Variants in THSD7B observed in about 807,000 individuals in gnomAD.
THSD7B encodes thrombospondin type-1 domain-containing protein 7B.
Under a neutral mutation model 213.6 loss-of-function variants are expected in THSD7B, and 138 were observed. The ratio of observed to expected loss-of-function variants is 0.65; its 90% CI spans 0.56 to 0.74. THSD7B has a LOEUF of 0.74. Ranked by LOEUF, THSD7B falls within the 30% of genes least tolerant of loss-of-function variation. The pLI, the probability that THSD7B is intolerant of heterozygous loss-of-function variation, is 0.00. For missense variants in THSD7B, 1,931 were observed against 1,991.5 expected (o/e 0.97, Z 0.58); for synonymous variants, 742 against 687.0 (o/e 1.08, Z -1.25).
At chr2:137,019,370 G>A (rs190675395) in intron 2 of THSD7B, among the ~76,000 whole-genome samples, 36 of 152,314 alleles carry the variant, frequency 2.4e-4, no homozygotes, top group African/African-American at 8.2e-4. Context: ...CTGACCACAT[G>A]GAGTGATCAT....
chr2:136,826,914 G>A (rs1682654067), intron 1 of THSD7B, among the ~76,000 whole-genome samples: 1 of 152,104 alleles, frequency 6.6e-6, no homozygotes. Context: ...TAGACTTAGT[G>A]ATTAGCTGGT....
Position 137,094,992 on chromosome 2 carries a change from T to C in THSD7B, c.1070T>C (p.Leu357Pro). 6.2e-7 allele frequency: 1 copy of C among 1,613,906 alleles called. No individual in the cohort carries two copies. Among genetic ancestry groups the C allele is most frequent in the South Asian group, 1.1e-5 (1 of 91,080 alleles). ...PCSKTCRSGS[L>P]LPGFRSRSRN... ...TCCAAGACATGCCGTTCAGGGAGTC[T>C]CTTGCCAGGATTTAGGAGCAGGAGC... Residue 357 changes from leucine (L) to proline (P), a missense_variant, in exon 4 of 28, where the codon CTC becomes CCC. Leu to Pro is a moderately conservative substitution (Grantham distance 98). Transcript: ENST00000409968.
At chr2:137,120,685 T>C (rs1688530164) in intron 5 of THSD7B, among the ~76,000 whole-genome samples, 1 of 152,178 alleles carries the variant, frequency 6.6e-6, no homozygotes, top group Non-Finnish European at 1.5e-5. Flanking sequence ...AGGTTATTGA[T>C]GCAGGATCCT....
At chr2:137,414,158 A>G (rs775003713) in intron 14 of THSD7B, among the ~76,000 whole-genome samples, 4 of 152,220 alleles carry the variant, frequency 2.6e-5, no homozygotes, top group Non-Finnish European at 5.9e-5. Flanking sequence ...AGCAAAAGCT[A>G]TTAGGGAATC....
At chr2:137,259,741 G>C (rs566162715) in intron 10 of THSD7B, among the ~76,000 whole-genome samples, 5 of 152,040 alleles carry the variant, frequency 3.3e-5, no homozygotes, top group Admixed American at 6.6e-5. Flanking sequence ...TTTTCAAATT[G>C]CCTTTCTCCC....
intron 7 of THSD7B, among the ~76,000 whole-genome samples, chr2:137,206,947 T>A (rs1680996882): frequency 6.6e-6 from 1 of 152,034 alleles, no homozygotes; most frequent in African/African-American, 2.4e-5. Context: ...TATATCTTTG[T>A]GGGATTTCGA....
intron 2 of THSD7B, among the ~76,000 whole-genome samples, chr2:136,893,565 C>T (rs1287672485): frequency 6.6e-6 from 1 of 152,116 alleles, no homozygotes; most frequent in African/African-American, 2.4e-5. Flanking sequence ...GACTGAACAA[C>T]AGTACTTTGG....
chr2:136,830,121 C>T (rs972117275), intron 1 of THSD7B, among the ~76,000 whole-genome samples: 7 of 151,262 alleles, frequency 4.6e-5, no homozygotes, highest in South Asian at 4.2e-4. Flanking sequence ...TATGCCTGTG[C>T]GCGCACACAC....
chr2:137,280,091 G>T lies in THSD7B; in HGVS notation c.2500+4065G>T, dbSNP rs931041831. Among the ~76,000 whole-genome samples, 5 of 152,220 alleles carry T rather than the reference G, an allele frequency of 3.3e-5. 1 individual carries two copies. The highest frequency in any genetic ancestry group is 1.3e-4 in the Admixed American group (2 of 15,284). ...GTGCTTACAAGTTTATTTCTATCTA[G>T]TTCATCCCTAAACACTAAGGGTGAG... On this transcript the variant is annotated intron_variant, in intron 12 of 27. Transcript: ENST00000409968.
At chr2:137,009,028 T>A (rs1325790882) in intron 2 of THSD7B, among the ~76,000 whole-genome samples, 1 of 152,168 alleles carries the variant, frequency 6.6e-6, no homozygotes, top group Non-Finnish European at 1.5e-5. Flanking sequence ...CAGAATAAAT[T>A]AAAAATCACT....
intron 2 of THSD7B, among the ~76,000 whole-genome samples, chr2:136,925,109 G>T (rs895170682): frequency 6.6e-6 from 1 of 152,056 alleles, no homozygotes; most frequent in African/African-American, 2.4e-5. Flanking sequence ...CACACAATGA[G>T]GTCATCTACA....
intron 1 of THSD7B, among the ~76,000 whole-genome samples, chr2:136,771,619 A>G (rs1346545210): frequency 1.3e-5 from 2 of 152,106 alleles, no homozygotes; most frequent in African/African-American, 2.4e-5. Flanking sequence ...TCCAGTTCCA[A>G]TTATACTTCC....
chr2:137,460,827 A>G (rs1454840178), intron 15 of THSD7B, among the ~76,000 whole-genome samples: 1 of 152,090 alleles, frequency 6.6e-6, no homozygotes, highest in Non-Finnish European at 1.5e-5. Context: ...CATATCATCA[A>G]TATATCAGAT....
intron 1 of THSD7B, among the ~76,000 whole-genome samples, chr2:136,815,530 C>G (rs757399492): frequency 6.6e-6 from 1 of 152,102 alleles, no homozygotes; most frequent in Non-Finnish European, 1.5e-5. Flanking sequence ...TTATTAGATG[C>G]TTTTTCCCCC....
At chr2:137,281,698 C>G (rs921296624) in intron 12 of THSD7B, among the ~76,000 whole-genome samples, 17 of 152,014 alleles carry the variant, frequency 1.1e-4, no homozygotes, top group Admixed American at 1.1e-3. Context: ...ATGATGGTTT[C>G]CAGCTTCATC....
chr2:137,211,214 T>G (rs1250963950), intron 7 of THSD7B, among the ~76,000 whole-genome samples: 1 of 151,926 alleles, frequency 6.6e-6, no homozygotes, highest in African/African-American at 2.4e-5. Flanking sequence ...AAAGAGTAAT[T>G]TATAGTTTAA....
At chr2:137,407,428 C>T (rs1326127297) in intron 13 of THSD7B, among the ~76,000 whole-genome samples, 1 of 151,940 alleles carries the variant, frequency 6.6e-6, no homozygotes, top group Non-Finnish European at 1.5e-5. Context: ...TCATGAAATA[C>T]ATGAGTTTTT....
At chr2:136,999,934 A>G (rs1366877596) in intron 2 of THSD7B, among the ~76,000 whole-genome samples, 1 of 152,184 alleles carries the variant, frequency 6.6e-6, no homozygotes, top group Non-Finnish European at 1.5e-5. Context: ...ATTTAATTGT[A>G]TGAAATATTC....
intron 15 of THSD7B, among the ~76,000 whole-genome samples, chr2:137,523,764 C>T (rs1327244568): frequency 6.6e-6 from 1 of 152,118 alleles, no homozygotes; most frequent in Non-Finnish European, 1.5e-5. Context: ...TTCTTGCCAT[C>T]CCCACTTATA....
Sources: allele counts gnomAD v4.1 joint callset (sites outside exome capture counted in the v4.1 genomes callset), GRCh38; gene constraint gnomAD v4.1.1; transcripts MANE v1.5; gene names NCBI Gene and HGNC (gene_info 2026-07-23, HGNC 2026-07-21).